Variants in STON1 observed in about 807,000 individuals in gnomAD.
STON1 encodes the protein stonin 1, also known as stonin-1.
STON1 carries 79 observed loss-of-function variants against 60.9 expected under a neutral mutation model. The observed-to-expected ratio is 1.30, with a 90% CI of 1.08 to 1.56. STON1 has a LOEUF of 1.56. STON1 is among the 40% of genes most tolerant of loss of function. STON1 has a pLI of 0.00. For synonymous variants in STON1, 363 were observed against 306.9 expected (o/e 1.18, Z -1.91); for missense variants, 1,166 against 858.9 (o/e 1.36, Z -4.47).
intron 1 of STON1, among the ~76,000 whole-genome samples, chr2:48,541,176 C>T (rs1266988145): frequency 1.3e-5 from 2 of 151,440 alleles, no homozygotes; most frequent in South Asian, 2.1e-4. Context: ...CATGGTGAAA[C>T]CCTGTCTCTA....
chr2:48,530,264 C>T (rs896442224), intron 1 of STON1, 48 bp downstream of exon 1: 1 of 352,366 alleles, frequency 2.8e-6, no homozygotes, highest in Non-Finnish European at 5.5e-6. Flanking sequence ...TGGGACCCCC[C>T]CTCTCCAGGG....
intron 1 of STON1, among the ~76,000 whole-genome samples, chr2:48,572,723 A>C (rs1257929761): frequency 6.6e-6 from 1 of 152,214 alleles, no homozygotes; most frequent in Non-Finnish European, 1.5e-5. Context: ...TAATAAACCC[A>C]ACTAAAGTAA....
At position 48,582,150 on chromosome 2, in the gene STON1, C is replaced by T. The variant is rs749744394; in HGVS notation, c.1517C>T (p.Pro506Leu). 6.2e-7 allele frequency: 1 copy of T among 1,614,176 alleles called. No homozygotes were observed. The highest frequency in any genetic ancestry group is 8.5e-7 in the Non-Finnish European group (1 of 1,180,044). The change falls in exon 2 of 4, where the codon CCT becomes CTT. Residue 506 changes from proline (P) to leucine (L), a missense_variant. Physicochemically the swap from Pro to Leu is moderately conservative, Grantham distance 98 (BLOSUM62 -3). Transcript: ENST00000404752. Reference sequence around the variant, plus strand: ...CAATCAAGAATCATTAAGTTTGTACCTCTGGATGCCTGCCGGTTTGAGCTG... The same window carrying T: ...CAATCAAGAATCATTAAGTTTGTACTTCTGGATGCCTGCCGGTTTGAGCTG... Reference protein sequence around the residue: ...FEQSRIIKFVPLDACRFELMR... With the variant: ...FEQSRIIKFVLLDACRFELMR...
Position 48,582,358 on chromosome 2 carries a change from A to G in STON1, c.1725A>G (p.Pro575=). 1 of 1,614,192 alleles carries G rather than the reference A, an allele frequency of 6.2e-7. No homozygotes were observed. Among genetic ancestry groups the G allele is most frequent in the East Asian group, 2.2e-5 (1 of 44,866 alleles). ...CDNIRIHFPV[P]SQWIKALWTM... is the part of the protein sequence containing the mutation. Reference sequence around the variant, plus strand: ...ATATAAGGATACACTTTCCTGTCCCATCGCAGTGGATCAAGGCCCTTTGGA... The same window carrying G: ...ATATAAGGATACACTTTCCTGTCCCGTCGCAGTGGATCAAGGCCCTTTGGA... Residue 575 remains proline (P), a synonymous_variant, in exon 2 of 4, where the codon CCA becomes CCG. Coordinates refer to ENST00000404752, the MANE Select transcript of STON1 (RefSeq NM_006873.4).
chr2:48,567,034 C>G (rs553153307), intron 1 of STON1, among the ~76,000 whole-genome samples: 2 of 152,140 alleles, frequency 1.3e-5, no homozygotes, highest in East Asian at 3.9e-4. Flanking sequence ...AAGTTGGCAC[C>G]CAAGTTTATG....
intron 1 of STON1, among the ~76,000 whole-genome samples, chr2:48,563,736 C>T (rs1389345338): frequency 6.6e-6 from 1 of 151,132 alleles, no homozygotes; most frequent in African/African-American, 2.4e-5. Flanking sequence ...CACTGTGATT[C>T]AGGCTGGAGT....
chr2:48,590,632 T>G (rs1318602434), intron 2 of STON1, among the ~76,000 whole-genome samples: 4 of 3,098 alleles, frequency 1.3e-3, no homozygotes, highest in Non-Finnish European at 2.8e-3. Flanking sequence ...GATCATTTCC[T>G]TATAACACAC....
At chr2:48,586,086 C>T (rs918255604) in intron 2 of STON1, among the ~76,000 whole-genome samples, 1 of 152,208 alleles carries the variant, frequency 6.6e-6, no homozygotes, top group African/African-American at 2.4e-5. Flanking sequence ...TAAAGCCTGG[C>T]CAGGGTAACC....
chr2:48,559,416 G>A (rs532047623), intron 1 of STON1, among the ~76,000 whole-genome samples: 4 of 152,248 alleles, frequency 2.6e-5, no homozygotes, highest in Non-Finnish European at 4.4e-5. Flanking sequence ...TCAGATGGCG[G>A]AAGGGACAAA....
chr2:48,543,592 T>C (rs1490870562), intron 1 of STON1, among the ~76,000 whole-genome samples: 1 of 147,352 alleles, frequency 6.8e-6, no homozygotes, highest in African/African-American at 2.5e-5. Context: ...AGTGCAGTGG[T>C]GGGATCTCGG....
chr2:48,585,012 C>A (rs746501562), intron 2 of STON1, among the ~76,000 whole-genome samples: 6 of 152,072 alleles, frequency 3.9e-5, no homozygotes, highest in Non-Finnish European at 5.9e-5. Flanking sequence ...CACCCCATAC[C>A]CTTCTTCATT....
chr2:48,582,410 C>A lies in STON1; in HGVS notation c.1777C>A (p.Leu593Met). Residue 593 changes from leucine (L) to methionine (M), a missense_variant, in exon 2 of 4, where the codon CTG becomes ATG. Coordinates refer to ENST00000404752, the MANE Select transcript of STON1 (RefSeq NM_006873.4). ...CATGAACCTCCAGAGGCAGAAGTCT[C>A]TGAAAGCTAAAATGAACCGCCGAGC... is the stretch of plus-strand genomic sequence containing the variant. ...WTMNLQRQKS[L>M]KAKMNRRACL... The A allele has an allele frequency of 1.4e-5, 23 of 1,614,184 alleles. No homozygotes were observed. The highest frequency in any genetic ancestry group is 1.6e-4 in the Middle Eastern group (1 of 6,062).
intron 1 of STON1, among the ~76,000 whole-genome samples, chr2:48,539,065 G>A (rs145141274): frequency 1.2e-4 from 18 of 151,998 alleles, no homozygotes; most frequent in Middle Eastern, 6.8e-3. Context: ...CTACAGGTGC[G>A]CACCACTATG....
intron 1 of STON1, 21 bp downstream of exon 1, chr2:48,530,237 G>T (rs773348565): frequency 2.7e-6 from 1 of 371,652 alleles, no homozygotes; most frequent in Non-Finnish European, 5.2e-6. Flanking sequence ...AGCCCCAGGG[G>T]ACAGAGACGG....
At chr2:48,551,611 A>G (rs1376022366) in intron 1 of STON1, among the ~76,000 whole-genome samples, 1 of 152,218 alleles carries the variant, frequency 6.6e-6, no homozygotes, top group Non-Finnish European at 1.5e-5. Context: ...CTCTGACAGA[A>G]TGTCCTTTTG....
At chr2:48,541,515 C>G (rs975281078) in intron 1 of STON1, among the ~76,000 whole-genome samples, 4 of 139,680 alleles carry the variant, frequency 2.9e-5, no homozygotes, top group South Asian at 2.3e-4. Context: ...GAAACCCCAT[C>G]TCTACTAAAA....
rs1439510751 is a variant in STON1 at position 48,595,881 on chromosome 2, A to G, written c.*579A>G. 1 of 152,508 alleles carries G rather than the reference A, an allele frequency of 6.6e-6. No homozygotes were observed. Among genetic ancestry groups the G allele is most frequent in the Non-Finnish European group, 1.5e-5 (1 of 68,296 alleles). The allele number at this position is 152,508 out of a possible 1,614,324, so 9.4% of individuals were successfully genotyped here. A position where few individuals can be genotyped will look rare whatever the true frequency, so the allele number is the denominator to read the frequency against. On this transcript the variant is annotated 3_prime_UTR_variant, in exon 4 of 4. Transcript: ENST00000404752. ...TACCGTTGGTAAATAATAATTGGCT[A>G]TATTTGGTACCTGTCTCTCTCCTAC...
rs17325817 is a variant in STON1, at chr2:48,583,645, C to G, written c.1930+1082C>G. Among the ~76,000 whole-genome samples the G allele has an allele frequency of 6.0e-3, 904 of 149,480 alleles. 4 individuals carry two copies. The highest frequency in any genetic ancestry group is 9.1e-3 in the Non-Finnish European group (613 of 67,598). On this transcript the variant is annotated intron_variant, in intron 2 of 3. Coordinates refer to ENST00000404752, the MANE Select transcript of STON1 (RefSeq NM_006873.4). ...TTTTTTTTTTTCCCCCCTAGCAGAG[C>G]ACTGGTCACTGGTCTCTGGAGTTAA...
At chr2:48,566,811 G>T (rs770907708) in intron 1 of STON1, among the ~76,000 whole-genome samples, 1 of 152,144 alleles carries the variant, frequency 6.6e-6, no homozygotes, top group East Asian at 1.9e-4. Flanking sequence ...TTTCTCAGGC[G>T]GGCACTTTAA....
Sources: allele counts gnomAD v4.1 joint callset (sites outside exome capture counted in the v4.1 genomes callset), GRCh38; gene constraint gnomAD v4.1.1; transcripts MANE v1.5; gene names NCBI Gene and HGNC (gene_info 2026-07-23, HGNC 2026-07-21).